SNTG1: variants seen among roughly 807,000 people sequenced by gnomAD.
SNTG1 encodes syntrophin gamma 1.
In SNTG1, 39 loss-of-function variants were observed where a neutral mutation model predicts 74.7. The ratio of observed to expected loss-of-function variants is 0.52; its 90% CI spans 0.40 to 0.68. The LOEUF (loss-of-function observed/expected upper bound fraction) is 0.68, where lower values mean the gene tolerates loss of function less well. Among genes scored for constraint, SNTG1 ranks in the 30% least tolerant of loss-of-function variants. SNTG1 has a pLI of 0.00. For synonymous variants in SNTG1, 254 were observed against 217.1 expected (o/e 1.17, Z -1.49); for missense variants, 685 against 609.5 (o/e 1.12, Z -1.30).
At chr8:50,351,105 CT>C (rs1465262674) in intron 2 of SNTG1, among the ~76,000 whole-genome samples, 10 of 152,220 alleles carry the variant, frequency 6.6e-5, no homozygotes, top group Non-Finnish European at 1.3e-4. Flanking sequence ...CGGACACACC[CT>C]TACATGGTGT....
chr8:50,091,928 G>C (rs903605223), intron 1 of SNTG1, among the ~76,000 whole-genome samples: 1 of 152,026 alleles, frequency 6.6e-6, no homozygotes, highest in African/African-American at 2.4e-5. Context: ...CTTCTGCTGA[G>C]TGAGATAGCA....
intron 16 of SNTG1, among the ~76,000 whole-genome samples, chr8:50,706,428 C>G (rs182396466): frequency 4.6e-5 from 7 of 152,090 alleles, no homozygotes; most frequent in African/African-American, 1.7e-4. Flanking sequence ...TATTATTTCT[C>G]TACAATAGTC....
chr8:50,104,430 C>T (rs149994), intron 1 of SNTG1, among the ~76,000 whole-genome samples: 81,945 of 151,742 alleles, frequency 0.54, 24,495 homozygotes, highest in East Asian at 0.84. Flanking sequence ...TTTTTTATTG[C>T]GTCTATTTTA....
chr8:49,958,363 A>G (rs1810369536), intron 1 of SNTG1, among the ~76,000 whole-genome samples: 1 of 152,150 alleles, frequency 6.6e-6, no homozygotes, highest in Non-Finnish European at 1.5e-5. Flanking sequence ...TGAACAGCTA[A>G]CAGGGGGCAG....
At chr8:50,572,898 A>G (rs1368852978) in intron 12 of SNTG1, among the ~76,000 whole-genome samples, 1 of 152,122 alleles carries the variant, frequency 6.6e-6, no homozygotes, top group Non-Finnish European at 1.5e-5. Flanking sequence ...TAAATCTTCA[A>G]AATGGTTCTA....
Position 50,165,167 on chromosome 8 carries a change from A to G in SNTG1, c.-102-7394A>G, listed in dbSNP as rs2082569798. 2.0e-5 allele frequency among the ~76,000 whole-genome samples: 3 copies of G among 152,202 alleles called. No homozygotes were observed. The East Asian group carries it at 5.8e-4, about 29-fold the overall frequency. On this transcript the variant is annotated intron_variant, in intron 1 of 18. Transcript: ENST00000642720. ...ACAGGCATAGCTTTGCTTACTGAAA[A>G]GAGAGCAATTAGCTTCATATTGCTC...
At chr8:50,163,154 T>C (rs1399345605) in intron 1 of SNTG1, among the ~76,000 whole-genome samples, 1 of 152,166 alleles carries the variant, frequency 6.6e-6, no homozygotes, top group Non-Finnish European at 1.5e-5. Context: ...GGTCTCTCTG[T>C]AGATTCTATC....
intron 13 of SNTG1, among the ~76,000 whole-genome samples, chr8:50,637,011 T>A (rs1289996113): frequency 6.6e-6 from 1 of 152,176 alleles, no homozygotes; most frequent in Non-Finnish European, 1.5e-5. Flanking sequence ...CCAGGGTCTT[T>A]TTGTCAAAAG....
At chr8:50,207,511 A>G (rs750230855) in intron 2 of SNTG1, among the ~76,000 whole-genome samples, 13 of 152,160 alleles carry the variant, frequency 8.5e-5, no homozygotes, top group Non-Finnish European at 1.5e-4. Context: ...CTCTTCAAAA[A>G]ACTAGCTCCT....
chr8:50,235,483 A>G (rs1195592872), intron 2 of SNTG1, among the ~76,000 whole-genome samples: 1 of 152,228 alleles, frequency 6.6e-6, no homozygotes, highest in East Asian at 1.9e-4. Context: ...CTGTCAATTT[A>G]AAATAAAAAC....
chr8:50,635,757 C>A (rs935879560), intron 13 of SNTG1, among the ~76,000 whole-genome samples: 12 of 152,160 alleles, frequency 7.9e-5, no homozygotes, highest in Non-Finnish European at 1.3e-4. Context: ...AATCAGAGAT[C>A]CCATGAGCCC....
chr8:50,612,354 A>G (rs1206459100), intron 13 of SNTG1, among the ~76,000 whole-genome samples: 1 of 152,218 alleles, frequency 6.6e-6, no homozygotes, highest in East Asian at 1.9e-4. Flanking sequence ...TGACTACTAT[A>G]TGAATGCTCT....
intron 12 of SNTG1, among the ~76,000 whole-genome samples, chr8:50,561,692 G>T (rs2094489275): frequency 6.6e-5 from 10 of 152,162 alleles, no homozygotes; most frequent in Admixed American, 5.2e-4. Flanking sequence ...TTAAGGCCTG[G>T]CTATGAGGAA....
chr8:50,697,936 G>A (rs1325718418), intron 15 of SNTG1, among the ~76,000 whole-genome samples: 2 of 152,114 alleles, frequency 1.3e-5, no homozygotes. Context: ...GTGTCAGGGT[G>A]ATACAGGATT....
rs2094510887 is a variant in SNTG1, at chr8:50,565,397, A to G, written c.810+12218A>G. Among the ~76,000 whole-genome samples, 2 of 152,036 alleles carry G rather than the reference A, an allele frequency of 1.3e-5. 1 individual carries two copies. The highest frequency in any genetic ancestry group is 4.1e-4 in the South Asian group (2 of 4,828). ...AATGTGTCATTGTTATGAAATGTAA[A>G]ATGCCAATAATAGGGGAGACTAGCT... is the stretch of plus-strand genomic sequence containing the variant. On this transcript the variant is annotated intron_variant, in intron 12 of 18. Transcript: ENST00000642720.
intron 1 of SNTG1, among the ~76,000 whole-genome samples, chr8:50,094,395 A>C (rs2079852674): frequency 6.6e-6 from 1 of 152,166 alleles, no homozygotes; most frequent in African/African-American, 2.4e-5. Context: ...GGAAACACAC[A>C]GTCTTCAAAA....
chr8:50,277,882 A>G (rs962098038), intron 2 of SNTG1, among the ~76,000 whole-genome samples: 6 of 152,210 alleles, frequency 3.9e-5, no homozygotes, highest in African/African-American at 1.4e-4. Flanking sequence ...ATCAGGATTT[A>G]CATTAACTAG....
rs140439588 is a variant in SNTG1 at position 50,422,456 on chromosome 8, G to A, written c.163-16087G>A. On this transcript the variant is annotated intron_variant, in intron 4 of 18. Coordinates refer to ENST00000642720, the MANE Select transcript of SNTG1 (RefSeq NM_018967.5). ...GAACATTTACTGTAACTGTATGAGG[G>A]GTACTTTCTGCCTGCTGCACAAGTA... Among the ~76,000 whole-genome samples the A allele has an allele frequency of 2.8e-3, 426 of 151,992 alleles. 3 individuals carry two copies. Among genetic ancestry groups the A allele is most frequent in the African/African-American group, 9.8e-3 (407 of 41,446 alleles).
In SNTG1 at chr8:50,572,930, A is replaced by C. The variant is rs138712314; in HGVS notation, c.811-17949A>C. ...TCTAGCTTTTTGGTTAAATCTTCAA[A>C]ATTGATTTTCACCAGAAAATATACC... On this transcript the variant is annotated intron_variant, in intron 12 of 18. Transcript: ENST00000642720. Among the ~76,000 whole-genome samples, 617 of 152,206 alleles carry C rather than the reference A, an allele frequency of 4.1e-3. 4 individuals carry two copies. The highest frequency in any genetic ancestry group is 0.014 in the African/African-American group (574 of 41,546).
Sources: gnomAD v4.1 joint callset for allele counts (sites outside exome capture counted in the v4.1 genomes callset) on GRCh38, gnomAD v4.1.1 for gene constraint, MANE v1.5 for transcripts, NCBI Gene and HGNC (gene_info 2026-07-23, HGNC 2026-07-21) for gene names.